The following LYPD6 variants were observed in gnomAD, a reference collection of about 807,000 sequenced individuals.
The protein encoded by LYPD6 is ly6/PLAUR domain-containing protein 6.
A neutral mutation model predicts 22.7 loss-of-function variants in LYPD6; 15 were observed. The observed-to-expected ratio is 0.66, with a 90% confidence interval of 0.44 to 1.02. The LOEUF is 1.02. Among genes scored for constraint, LYPD6 ranks in the 50% least tolerant of loss-of-function variants. The pLI is 0.00. For synonymous variants in LYPD6, 72 were observed against 77.5 expected, an observed-to-expected ratio of 0.93 and a Z score of 0.37; for missense variants, 189 against 208.4, an observed-to-expected ratio of 0.91 and a Z score of 0.57.
intron 1 of LYPD6, among the ~76,000 whole-genome samples, chr2:149,369,678 A>G (rs754318990): frequency 6.6e-6 from 1 of 152,176 alleles, no homozygotes; most frequent in Non-Finnish European, 1.5e-5. Flanking sequence ...GGGTCAAAAA[A>G]GCCAGACAAA....
intron 1 of LYPD6, among the ~76,000 whole-genome samples, chr2:149,374,218 A>G (rs966071227): frequency 1.3e-5 from 2 of 152,224 alleles, no homozygotes; most frequent in African/African-American, 4.8e-5. Flanking sequence ...GAAGTCAAGC[A>G]TATGGTTTTG....
At chr2:149,352,097 A>G (rs1363851342) in intron 1 of LYPD6, among the ~76,000 whole-genome samples, 1 of 152,190 alleles carries the variant, frequency 6.6e-6, no homozygotes, top group Non-Finnish European at 1.5e-5. Context: ...CTTATGTGCC[A>G]GGGACCATGC....
chr2:149,356,437 C>G (rs1267526645), intron 1 of LYPD6, among the ~76,000 whole-genome samples: 1 of 152,162 alleles, frequency 6.6e-6, no homozygotes, highest in Non-Finnish European at 1.5e-5. Context: ...GTTTTCCTTC[C>G]CTACATGGAC....
intron 1 of LYPD6, among the ~76,000 whole-genome samples, chr2:149,422,806 G>C (rs1333199684): frequency 2.0e-5 from 3 of 151,964 alleles, no homozygotes; most frequent in Non-Finnish European, 4.4e-5. Context: ...CTCTTCCTCT[G>C]TGAGTTCAAC....
intron 1 of LYPD6, among the ~76,000 whole-genome samples, chr2:149,363,644 T>G (rs528716418): frequency 6.6e-6 from 1 of 152,344 alleles, no homozygotes; most frequent in Non-Finnish European, 1.5e-5. Flanking sequence ...CCTAGATCTG[T>G]GTGCCTGTCT....
chr2:149,406,785 C>A (rs538749921), intron 1 of LYPD6, among the ~76,000 whole-genome samples: 98 of 152,184 alleles, frequency 6.4e-4, no homozygotes, highest in African/African-American at 2.2e-3. Context: ...ATGATGTTAG[C>A]TGGTTATTTT....
At chr2:149,453,556 G>A (rs6740533) in intron 3 of LYPD6, among the ~76,000 whole-genome samples, 1 of 152,138 alleles carries the variant, frequency 6.6e-6, no homozygotes, top group Non-Finnish European at 1.5e-5. Flanking sequence ...TTTGGCTCCA[G>A]CTTCTATGCT....
intron 1 of LYPD6, among the ~76,000 whole-genome samples, chr2:149,373,558 G>T (rs539881405): frequency 8.5e-5 from 13 of 152,168 alleles, no homozygotes; most frequent in African/African-American, 2.9e-4. Flanking sequence ...AGCTGTCCTC[G>T]TGTCCAAGGG....
At chr2:149,372,979 A>G (rs754621145) in intron 1 of LYPD6, among the ~76,000 whole-genome samples, 1 of 152,300 alleles carries the variant, frequency 6.6e-6, no homozygotes, top group Non-Finnish European at 1.5e-5. Context: ...AAGATCCTTT[A>G]GGGAGTTACA....
chr2:149,381,751 G>A (rs1682070281), intron 1 of LYPD6, among the ~76,000 whole-genome samples: 1 of 152,184 alleles, frequency 6.6e-6, no homozygotes, highest in South Asian at 2.1e-4. Flanking sequence ...TTTCTCATAT[G>A]TTGGTTGCCC....
chr2:149,371,116 G>A (rs1009037347), intron 1 of LYPD6, among the ~76,000 whole-genome samples: 2 of 152,198 alleles, frequency 1.3e-5, no homozygotes, highest in African/African-American at 4.8e-5. Context: ...CCAGGTTGAA[G>A]AGCAGGGGGC....
At chr2:149,371,855 C>A (rs1681817541) in intron 1 of LYPD6, among the ~76,000 whole-genome samples, 1 of 152,108 alleles carries the variant, frequency 6.6e-6, no homozygotes, top group Admixed American at 6.5e-5. Context: ...CCTATTTAAT[C>A]CTGATTTTAG....
chr2:149,351,997 T>G (rs1681367332), intron 1 of LYPD6, among the ~76,000 whole-genome samples: 1 of 152,036 alleles, frequency 6.6e-6, no homozygotes, highest in African/African-American at 2.4e-5. Context: ...GCTGTCCCAG[T>G]TGAATTTGCT....
chr2:149,457,468 G>C (rs1456511051), intron 3 of LYPD6, among the ~76,000 whole-genome samples: 1 of 152,102 alleles, frequency 6.6e-6, no homozygotes, highest in Admixed American at 6.6e-5. Context: ...CAACAAGAAT[G>C]GGCCTGATTC....
chr2:149,406,091 C>G, intron 1 of LYPD6, among the ~76,000 whole-genome samples: 1 of 150,626 alleles, frequency 6.6e-6, no homozygotes, highest in African/African-American at 2.4e-5. Flanking sequence ...GCACTGTGGT[C>G]TGAGAGACAG....
chr2:149,348,823 CTAAA>C (rs1427544757), intron 1 of LYPD6, among the ~76,000 whole-genome samples: 1 of 151,884 alleles, frequency 6.6e-6, no homozygotes, highest in Admixed American at 6.6e-5. Context: ...AAGAGGGAGA[CTAAA>C]TAAGAGGCTG....
intron 1 of LYPD6, among the ~76,000 whole-genome samples, chr2:149,432,052 G>C (rs549253999): frequency 6.6e-6 from 1 of 152,274 alleles, no homozygotes; most frequent in African/African-American, 2.4e-5. Context: ...CAAAATCAGC[G>C]TGAGATATAC....
chr2:149,394,548 G>C (rs1682385839), intron 1 of LYPD6, among the ~76,000 whole-genome samples: 1 of 151,642 alleles, frequency 6.6e-6, no homozygotes, highest in African/African-American at 2.4e-5. Flanking sequence ...TTGTTTTTTT[G>C]ATCACATAAA....
At chr2:149,485,097 C>T in the LYPD6 span, among the ~76,000 whole-genome samples, 1 of 152,114 alleles carries the variant, frequency 6.6e-6, no homozygotes, top group African/African-American at 2.4e-5. Context: ...TCATCACGGG[C>T]CCCTCAGCAC....
Sources: allele counts gnomAD v4.1 joint callset (sites outside exome capture counted in the v4.1 genomes callset), GRCh38; gene constraint gnomAD v4.1.1; transcripts MANE v1.5; gene names NCBI Gene and HGNC (gene_info 2026-07-23, HGNC 2026-07-21).